The following ZNF618 variants were observed in gnomAD, a reference collection of about 807,000 sequenced individuals.
The protein encoded by ZNF618 is zinc finger protein 618.
Under a neutral mutation model 103.0 loss-of-function variants are expected in ZNF618, and 34 were observed. The observed-to-expected ratio is 0.33, with a 90% confidence interval of 0.25 to 0.44. The LOEUF (loss-of-function observed/expected upper bound fraction) is 0.44. ZNF618 is among the 20% of genes least tolerant of loss of function. ZNF618 has a pLI of 1.00. For missense variants in ZNF618, 1,059 were observed against 1,295.4 expected (o/e 0.82, Z 2.80); for synonymous variants, 551 against 542.2 (o/e 1.02, Z -0.23).
At chr9:113,880,222 G>A (rs1194216392) in intron 1 of ZNF618, among the ~76,000 whole-genome samples, 2 of 151,996 alleles carry the variant, frequency 1.3e-5, no homozygotes, top group East Asian at 3.9e-4. Context: ...TTTTTTCCAT[G>A]TTCTTGTGAT....
intron 3 of ZNF618, among the ~76,000 whole-genome samples, chr9:113,991,618 C>A (rs1840063596): frequency 6.6e-6 from 1 of 152,182 alleles, no homozygotes; most frequent in Admixed American, 6.5e-5. Flanking sequence ...TTTTTCCCAT[C>A]TAAGAAGTAA....
chr9:113,878,239 G>A (rs965356611), intron 1 of ZNF618, among the ~76,000 whole-genome samples: 1 of 151,620 alleles, frequency 6.6e-6, no homozygotes, highest in African/African-American at 2.4e-5. Context: ...GATAAAAGAG[G>A]GATGGGCAAA....
At chr9:114,010,477 C>T (rs1022651673) in intron 9 of ZNF618, among the ~76,000 whole-genome samples, 5 of 152,172 alleles carry the variant, frequency 3.3e-5, no homozygotes, top group South Asian at 2.1e-4. Context: ...GAGGCCGAGA[C>T]GGGTGGATCA....
intron 6 of ZNF618, among the ~76,000 whole-genome samples, chr9:114,006,092 G>T (rs1841728696): frequency 6.6e-6 from 1 of 152,224 alleles, no homozygotes; most frequent in African/African-American, 2.4e-5. Flanking sequence ...GGGAGAGGTG[G>T]CTAATGCCAT....
chr9:113,962,978 A>G (rs1837006225), intron 1 of ZNF618, among the ~76,000 whole-genome samples: 1 of 152,246 alleles, frequency 6.6e-6, no homozygotes, highest in African/African-American at 2.4e-5. Context: ...AGCTTGATAA[A>G]TGTTTGTTGG....
Position 114,049,381 on chromosome 9 carries a change from C to T in ZNF618, c.2079C>T (p.Cys693=). 6.2e-7 allele frequency: 1 copy of T among 1,605,550 alleles called. No homozygotes were observed. The highest frequency in any genetic ancestry group is 2.2e-5 in the East Asian group (1 of 44,488). The change falls in exon 15 of 15, where the codon TGC becomes TGT. Residue 693 remains cysteine (C), a synonymous_variant. Coordinates refer to ENST00000374126, the MANE Select transcript of ZNF618 (RefSeq NM_001318042.2). Reference sequence around the variant, plus strand: ...TGGAGGAGACGTCTCCACCACCCTGCTGGAACTCGGTGACGGACTCACTGT... The same window carrying T: ...TGGAGGAGACGTCTCCACCACCCTGTTGGAACTCGGTGACGGACTCACTGT... ...GSLEETSPPP[C]WNSVTDSLLL... is the part of the protein sequence containing the mutation.
At chr9:114,000,577 G>T (rs113859007) in intron 4 of ZNF618, among the ~76,000 whole-genome samples, 10 of 135,496 alleles carry the variant, frequency 7.4e-5, no homozygotes, top group East Asian at 3.1e-4. Flanking sequence ...AAAACCAAAA[G>T]GTTGGACCCC....
At chr9:114,010,936 C>T (rs548198159) in intron 9 of ZNF618, among the ~76,000 whole-genome samples, 1 of 152,286 alleles carries the variant, frequency 6.6e-6, no homozygotes, top group Non-Finnish European at 1.5e-5. Context: ...TAGCTCCCTA[C>T]CCCTTGTGAG....
chr9:113,961,697 A>C (rs1836855150), intron 1 of ZNF618, among the ~76,000 whole-genome samples: 1 of 152,254 alleles, frequency 6.6e-6, no homozygotes, highest in Admixed American at 6.5e-5. Flanking sequence ...AGGACTAATT[A>C]GAGAATTTAT....
chr9:113,981,650 A>G lies in ZNF618; in HGVS notation c.78-6671A>G, dbSNP rs554592096. Among the ~76,000 whole-genome samples the G allele has an allele frequency of 3.9e-5, 6 of 152,382 alleles. No homozygotes were observed. In the East Asian group the frequency reaches 1.2e-3, roughly 29 times the overall value. On this transcript the variant is annotated intron_variant, in intron 2 of 14. Coordinates refer to ENST00000374126, the MANE Select transcript of ZNF618 (RefSeq NM_001318042.2). ...GCATCAGGGCGGACTCTCCTCTGAC[A>G]TGCCTGAAATGGCATCTCTTTGGGC...
At chr9:113,969,084 G>T (rs768172104) in intron 1 of ZNF618, 33 bp from the exon 2 acceptor site, 2 of 1,613,778 alleles carry the variant, frequency 1.2e-6, no homozygotes, top group Admixed American at 3.3e-5. Flanking sequence ...CTTCTGCCTT[G>T]GCTGATGTAG....
intron 1 of ZNF618, among the ~76,000 whole-genome samples, chr9:113,963,747 TAATTA>T (rs1462393374): frequency 6.6e-6 from 1 of 152,264 alleles, no homozygotes; most frequent in Non-Finnish European, 1.5e-5. Flanking sequence ...GAAACAATCA[TAATTA>T]ACAGATTCAA....
Position 114,033,947 on chromosome 9 carries a change from G to A in ZNF618, c.1168+1219G>A, listed in dbSNP as rs1465772986. Among the ~76,000 whole-genome samples, 4 of 152,170 alleles carry A rather than the reference G, an allele frequency of 2.6e-5. No individual in the cohort carries two copies. In the East Asian group the frequency reaches 7.7e-4, roughly 29 times the overall value. ...ACTTGAGTGTGGAGGCATCTGCCTA[G>A]TAACAGGAGCTCCACTTCGGGCTGT... On this transcript the variant is annotated intron_variant, in intron 12 of 14. Coordinates refer to ENST00000374126, the MANE Select transcript of ZNF618 (RefSeq NM_001318042.2).
chr9:114,010,851 C>A (rs1392533911), intron 9 of ZNF618, among the ~76,000 whole-genome samples: 1 of 152,148 alleles, frequency 6.6e-6, no homozygotes, highest in African/African-American at 2.4e-5. Context: ...CTCTTCCAAC[C>A]GTGTCATTTT....
chr9:114,040,351 T>A (rs1356043317), intron 13 of ZNF618, among the ~76,000 whole-genome samples: 2 of 149,168 alleles, frequency 1.3e-5, no homozygotes, highest in South Asian at 4.3e-4. Flanking sequence ...TTTTTTTTTT[T>A]ATTGTACTTT....
At position 114,049,366 on chromosome 9, in the gene ZNF618, G is replaced by A. The variant is rs890611901; in HGVS notation, c.2064G>A (p.Thr688=). ...AKETFGSLEE[T]SPPPCWNSVT... ...AGACCTTCGGGTCGCTGGAGGAGAC[G>A]TCTCCACCACCCTGCTGGAACTCGG... Residue 688 remains threonine, a synonymous_variant, in exon 15 of 15, where the codon ACG becomes ACA. Transcript: ENST00000374126. 10 of 1,607,544 alleles carry A rather than the reference G, an allele frequency of 6.2e-6. No homozygotes were observed. The Admixed American group carries it at 6.8e-5, about 11-fold the overall frequency.
At chr9:114,038,163 C>T (rs569271681) in intron 13 of ZNF618, among the ~76,000 whole-genome samples, 4 of 152,304 alleles carry the variant, frequency 2.6e-5, no homozygotes, top group African/African-American at 9.6e-5. Context: ...ATCGCTTGGT[C>T]CTGAGACTCC....
At chr9:113,921,101 A>G (rs538825401) in intron 1 of ZNF618, among the ~76,000 whole-genome samples, 2 of 152,208 alleles carry the variant, frequency 1.3e-5, no homozygotes, top group Non-Finnish European at 2.9e-5. Context: ...TACCTTTGCT[A>G]TTTTAAAAAG....
chr9:113,937,380 G>A (rs1024712820), intron 1 of ZNF618, among the ~76,000 whole-genome samples: 1 of 152,102 alleles, frequency 6.6e-6, no homozygotes, highest in South Asian at 2.1e-4. Context: ...GGACATTTAC[G>A]TATATAACCA....
Sources: allele counts gnomAD v4.1 joint callset (sites outside exome capture counted in the v4.1 genomes callset), GRCh38; gene constraint gnomAD v4.1.1; transcripts MANE v1.5; gene names NCBI Gene and HGNC (gene_info 2026-07-23, HGNC 2026-07-21).